Variants in RSRC1 observed in about 807,000 individuals in gnomAD.
RSRC1 encodes the protein serine/Arginine-related protein 53.
In RSRC1, 39 loss-of-function variants were observed where a neutral mutation model predicts 49.1. The ratio of observed to expected loss-of-function variants is 0.79; its 90% confidence interval spans 0.61 to 1.04. The LOEUF is 1.04. Ranked by LOEUF, RSRC1 falls within the 50% of genes least tolerant of loss-of-function variation. RSRC1 has a pLI of 0.00. For synonymous variants in RSRC1, 143 were observed against 130.8 expected, an observed-to-expected ratio of 1.09 and a Z score of -0.63; for missense variants, 388 against 402.4, an observed-to-expected ratio of 0.96 and a Z score of 0.31.
intron 4 of RSRC1, among the ~76,000 whole-genome samples, chr3:158,277,214 T>G (rs1466721416): frequency 6.6e-6 from 1 of 152,166 alleles, no homozygotes. Context: ...AGCTAGCACT[T>G]TACTTGATTA....
chr3:158,470,349 CACACACACACACATATAT>C (rs1327978144), intron 7 of RSRC1, among the ~76,000 whole-genome samples: 5 of 118,278 alleles, frequency 4.2e-5, no homozygotes, highest in East Asian at 2.1e-4. Context: ...CACACACACA[CACACACACACACATATAT>C]ATATATATAT....
intron 5 of RSRC1, among the ~76,000 whole-genome samples, chr3:158,345,583 G>A (rs182136266): frequency 1.8e-4 from 28 of 151,898 alleles, no homozygotes; most frequent in Admixed American, 3.3e-4. Flanking sequence ...CTAAAAATTG[G>A]GAATGCAAAG....
At chr3:158,279,309 G>A (rs531673682) in intron 4 of RSRC1, among the ~76,000 whole-genome samples, 8 of 152,240 alleles carry the variant, frequency 5.3e-5, no homozygotes, top group Non-Finnish European at 1.2e-4. Context: ...ACAAAAGAAT[G>A]AGTGTGGCTG....
intron 6 of RSRC1, among the ~76,000 whole-genome samples, chr3:158,430,556 G>T (rs1439483178): frequency 6.6e-6 from 1 of 151,906 alleles, no homozygotes; most frequent in East Asian, 1.9e-4. Flanking sequence ...CCATCTAAGA[G>T]AAAGAAAATT....
intron 4 of RSRC1, 141 bp from the exon 5 acceptor site, chr3:158,297,896 GTT>G: frequency 1.7e-6 from 1 of 605,166 alleles, no homozygotes; most frequent in South Asian, 2.2e-5. Context: ...GATAAAAATT[GTT>G]TTGTCCTTAA....
intron 4 of RSRC1, among the ~76,000 whole-genome samples, chr3:158,208,607 G>A (rs1044937329): frequency 6.6e-6 from 1 of 152,126 alleles, no homozygotes; most frequent in African/African-American, 2.4e-5. Context: ...CTGGTCTCAA[G>A]CAATCCTCTG....
At position 158,229,384 on chromosome 3, in the gene RSRC1, G is replaced by GTATATGTGTA. The variant is rs1559952754; in HGVS notation, c.494+26140_494+26141insATATGTGTAT. ...TATACACACGTATATGTGTATGTAT[G>GTATATGTGTA]TGTATATATATACACATACACACGT... On this transcript the variant is annotated intron_variant, in intron 4 of 9. Coordinates refer to ENST00000611884, the MANE Select transcript of RSRC1 (RefSeq NM_001271838.2). 1.5e-3 allele frequency among the ~76,000 whole-genome samples: 143 copies of GTATATGTGTA among 94,972 alleles called. 5 individuals are homozygous for GTATATGTGTA. Among genetic ancestry groups the GTATATGTGTA allele is most frequent in the Middle Eastern group, 5.7e-3 (1 of 174 alleles). 62.3% of individuals were successfully genotyped at this position (94,972 alleles called of 152,430 possible). A position where few individuals can be genotyped will look rare whatever the true frequency, so the allele number is the denominator to read the frequency against.
rs1373204121 is a variant in RSRC1 at position 158,194,180 on chromosome 3, G to A, written c.321-8892G>A. The stretch of plus-strand genomic sequence containing the variant: ...TCCCAGCTACTTGGGAAGCTGATGC[G>A]GGAGGATCACTTGAGTCAAGGAATT... On this transcript the variant is annotated intron_variant, in intron 3 of 9. Transcript: ENST00000611884. Among the ~76,000 whole-genome samples, 5 of 151,688 alleles carry A rather than the reference G, an allele frequency of 3.3e-5. No homozygotes were observed. The East Asian group carries it at 5.8e-4, about 18-fold the overall frequency.
intron 7 of RSRC1, among the ~76,000 whole-genome samples, chr3:158,478,867 T>C (rs1560059944): frequency 6.7e-6 from 1 of 148,942 alleles, no homozygotes; most frequent in African/African-American, 2.5e-5. Context: ...AAAAGAAATA[T>C]ATCTAGGGAA....
chr3:158,434,741 T>A (rs763477332), intron 6 of RSRC1, among the ~76,000 whole-genome samples: 1 of 152,014 alleles, frequency 6.6e-6, no homozygotes, highest in South Asian at 2.1e-4. Flanking sequence ...CCCACTAACA[T>A]TGACTTTTCA....
At chr3:158,316,438 A>ATTTTTTTTTTGTTTTTTTTTTTT (rs1728453673) in intron 5 of RSRC1, among the ~76,000 whole-genome samples, 1 of 72,220 alleles carries the variant, frequency 1.4e-5, no homozygotes. Context: ...AGAATCTCTC[A>ATTTTTTTTTTGTTTTTTTTTTTT]TTTTTTTTTT....
intron 4 of RSRC1, among the ~76,000 whole-genome samples, chr3:158,229,238 G>T (rs1722768737): frequency 1.3e-5 from 2 of 150,298 alleles, no homozygotes; most frequent in African/African-American, 2.5e-5. Flanking sequence ...ATATGTGTAT[G>T]TATGTATATA....
At chr3:158,374,021 A>T (rs1732220760) in intron 6 of RSRC1, among the ~76,000 whole-genome samples, 1 of 152,080 alleles carries the variant, frequency 6.6e-6, no homozygotes, top group Non-Finnish European at 1.5e-5. Context: ...ATATGTCCCT[A>T]ATACTTTATG....
At chr3:158,386,560 A>G (rs1239023919) in intron 6 of RSRC1, among the ~76,000 whole-genome samples, 2 of 152,022 alleles carry the variant, frequency 1.3e-5, no homozygotes, top group Non-Finnish European at 2.9e-5. Flanking sequence ...ATATTATATG[A>G]CCAACACACT....
chr3:158,416,988 T>G (rs1734769923), intron 6 of RSRC1, among the ~76,000 whole-genome samples: 2 of 152,064 alleles, frequency 1.3e-5, no homozygotes, highest in African/African-American at 4.8e-5. Flanking sequence ...TATATATTTC[T>G]TATAATTTTC....
chr3:158,388,686 T>G (rs1317398124), intron 6 of RSRC1, among the ~76,000 whole-genome samples: 1 of 151,118 alleles, frequency 6.6e-6, no homozygotes, highest in African/African-American at 2.5e-5. Context: ...CTCAGCTCAC[T>G]GCAAACTCCG....
intron 4 of RSRC1, among the ~76,000 whole-genome samples, chr3:158,279,140 G>A (rs1364328046): frequency 6.6e-6 from 1 of 152,158 alleles, no homozygotes; most frequent in Non-Finnish European, 1.5e-5. Context: ...TCACATTACA[G>A]CAATTCATAA....
chr3:158,519,262 C>T (rs1714505), intron 7 of RSRC1, among the ~76,000 whole-genome samples: 7,911 of 152,120 alleles, frequency 0.052, 302 homozygotes, highest in Middle Eastern at 0.082. Flanking sequence ...ATTTCTTGCC[C>T]GGACTTCTGT....
At chr3:158,192,593 T>C (rs1183058812) in intron 3 of RSRC1, among the ~76,000 whole-genome samples, 2 of 152,050 alleles carry the variant, frequency 1.3e-5, no homozygotes, top group African/African-American at 4.8e-5. Flanking sequence ...CAGTATCCCG[T>C]TTTTCTATAA....
Sources: allele counts gnomAD v4.1 joint callset (sites outside exome capture counted in the v4.1 genomes callset), GRCh38; gene constraint gnomAD v4.1.1; transcripts MANE v1.5; gene names NCBI Gene and HGNC (gene_info 2026-07-23, HGNC 2026-07-21).